Variants in MPPED1 observed in about 807,000 individuals in gnomAD.
The protein encoded by MPPED1 is metallophosphoesterase domain containing 1.
Under a neutral mutation model 36.2 loss-of-function variants are expected in MPPED1, and 16 were observed. The ratio of observed to expected loss-of-function variants is 0.44; its 90% CI spans 0.30 to 0.67. The LOEUF is 0.67. MPPED1 is among the 30% of genes least tolerant of loss of function. MPPED1 has a pLI of 0.10. For synonymous variants in MPPED1, 199 were observed against 191.3 expected (o/e 1.04, Z -0.33); for missense variants, 307 against 453.4 (o/e 0.68, Z 2.93).
rs149356533 is a variant in MPPED1, at chr22:43,468,358, T to A, written c.407-6378T>A. Among the ~76,000 whole-genome samples, 121 of 152,314 alleles carry A rather than the reference T, an allele frequency of 7.9e-4. 3 individuals are homozygous for A. The East Asian group carries it at 0.022, about 28-fold the overall frequency. ...GTGGCAGAGGCTGGGAGATCAGCGT[T>A]CTCGCCCACCTAGCAGAGTCCAACT... is the stretch of plus-strand genomic sequence containing the variant. On this transcript the variant is annotated intron_variant, in intron 3 of 6. Transcript: ENST00000443721.
At chr22:43,432,532 AAGGG>A (rs1929750691) in intron 2 of MPPED1, among the ~76,000 whole-genome samples, 1 of 87,982 alleles carries the variant, frequency 1.1e-5, no homozygotes, top group African/African-American at 4.6e-5. Flanking sequence ...GAGAGAGATA[AAGGG>A]AGGAGAGAAA....
chr22:43,468,381 A>C (rs1475393870), intron 3 of MPPED1, among the ~76,000 whole-genome samples: 2 of 152,170 alleles, frequency 1.3e-5, no homozygotes, highest in Admixed American at 6.5e-5. Context: ...GCAGAGTCCA[A>C]CTGGCCTGTC....
chr22:43,432,303 A>AAG (rs1195789716), intron 2 of MPPED1, among the ~76,000 whole-genome samples: 2 of 107,432 alleles, frequency 1.9e-5, no homozygotes, highest in African/African-American at 7.3e-5. Flanking sequence ...GAGAGAGGGA[A>AAG]AGAGAGAGAG....
chr22:43,494,490 T>C (rs1932193962), intron 4 of MPPED1, among the ~76,000 whole-genome samples: 1 of 152,238 alleles, frequency 6.6e-6, no homozygotes, highest in Non-Finnish European at 1.5e-5. Context: ...TGTCACCTGG[T>C]GTCCTTCCCT....
chr22:43,422,115 G>A (rs1050172625), intron 1 of MPPED1, among the ~76,000 whole-genome samples: 1 of 152,156 alleles, frequency 6.6e-6, no homozygotes, highest in African/African-American at 2.4e-5. Flanking sequence ...AGGCCTCTCC[G>A]AGGAGACCCC....
At position 43,474,841 on chromosome 22, in the gene MPPED1, C is replaced by T; in HGVS notation, c.512C>T (p.Pro171Leu). 1 of 1,614,018 alleles carries T rather than the reference C, an allele frequency of 6.2e-7. No individual in the cohort carries two copies. The highest frequency in any genetic ancestry group is 1.3e-5 in the African/African-American group (1 of 75,046). The change falls in exon 4 of 7, where the codon CCA becomes CTA. Residue 171 changes from proline to leucine, a missense_variant. Coordinates refer to ENST00000443721, the MANE Select transcript of MPPED1 (RefSeq NM_001044370.2). The surrounding 1 kb of genome is among the most constrained non-coding windows in gnomAD (Gnocchi z 5.2). Reference sequence around the variant, plus strand: ...ATCAAGCAGGACTTTTACTACTTCCCATCTGTGTCGAAGCTGAAGCCGGAG... The same window carrying T: ...ATCAAGCAGGACTTTTACTACTTCCTATCTGTGTCGAAGCTGAAGCCGGAG... ...DLIKQDFYYF[P>L]SVSKLKPENY...
In MPPED1 at chr22:43,502,566, G is replaced by C. The variant is rs1932756768; in HGVS notation, c.749-78G>C. 9.4e-6 allele frequency: 11 copies of C among 1,165,600 alleles called. No homozygotes were observed. Among genetic ancestry groups the C allele is most frequent in the Non-Finnish European group, 1.4e-5 (11 of 783,074 alleles). 72.2% of individuals were successfully genotyped at this position (1,165,600 alleles called of 1,614,324 possible). On this transcript the variant is annotated intron_variant, in intron 5 of 6. Transcript: ENST00000443721. This position sits in a 1 kb window ranked among gnomAD's most constrained non-coding sequence, Gnocchi z 5.5. Reference sequence around the variant, plus strand: ...AGCCCCATGCCTTCTCCAGGCTGCAGAAGCTGCTGCTAGGCGTGGGGCAGT... The same window carrying C: ...AGCCCCATGCCTTCTCCAGGCTGCACAAGCTGCTGCTAGGCGTGGGGCAGT...
intron 4 of MPPED1, among the ~76,000 whole-genome samples, chr22:43,495,478 G>A (rs1225561608): frequency 2.3e-5 from 1 of 42,774 alleles, no homozygotes; most frequent in African/African-American, 2.4e-4. Context: ...TGATGGTGGA[G>A]GTGGTGGTGG....
At position 43,502,228 on chromosome 22, in the gene MPPED1, T is replaced by C. The variant is rs28588871; in HGVS notation, c.749-416T>C. Among the ~76,000 whole-genome samples, 34,272 of 152,030 alleles carry C rather than the reference T, an allele frequency of 0.23. 4,160 individuals are homozygous for C. Among genetic ancestry groups the C allele is most frequent in the Middle Eastern group, 0.31 (90 of 294 alleles). ...GTATCAGGACGCCCTGCTCTGCAAC[T>C]AACCACCAGGGTGCCTGCCCTTGGG... On this transcript the variant is annotated intron_variant, in intron 5 of 6. Coordinates refer to ENST00000443721, the MANE Select transcript of MPPED1 (RefSeq NM_001044370.2). The surrounding 1 kb of genome is among the most constrained non-coding windows in gnomAD (Gnocchi z 5.5).
intron 4 of MPPED1, among the ~76,000 whole-genome samples, chr22:43,476,129 C>T (rs925332170): frequency 2.0e-5 from 3 of 151,844 alleles, no homozygotes; most frequent in African/African-American, 4.8e-5. Flanking sequence ...TGAGCAATTA[C>T]AGTAATCTGG....
At position 43,424,934 on chromosome 22, in the gene MPPED1, G is replaced by A; in HGVS notation, c.-52G>A. The A allele has an allele frequency of 7.1e-6, 11 of 1,541,348 alleles. No homozygotes were observed. Among genetic ancestry groups the A allele is most frequent in the East Asian group, 4.9e-5 (2 of 40,838 alleles). ...CTGTTTCCAGGTCTGGCGGGGGGCC[G>A]GGCTGCGGTGGCGGCAGCGGTGGGA... On this transcript the variant is annotated 5_prime_UTR_variant, in exon 2 of 7. Coordinates refer to ENST00000443721, the MANE Select transcript of MPPED1 (RefSeq NM_001044370.2).
chr22:43,497,343 G>T (rs1307267759), intron 4 of MPPED1, among the ~76,000 whole-genome samples: 1 of 152,000 alleles, frequency 6.6e-6, no homozygotes, highest in African/African-American at 2.4e-5. Flanking sequence ...AGTTCAAATG[G>T]CTTTGTGTTG....
intron 2 of MPPED1, among the ~76,000 whole-genome samples, chr22:43,431,782 ACTG>A (rs1258859116): frequency 3.9e-5 from 6 of 152,194 alleles, no homozygotes; most frequent in Non-Finnish European, 7.3e-5. Context: ...TGAAATCATT[ACTG>A]TTGTTATTAT....
At chr22:43,462,211 T>G (rs974096886) in intron 3 of MPPED1, among the ~76,000 whole-genome samples, 9 of 152,162 alleles carry the variant, frequency 5.9e-5, no homozygotes, top group African/African-American at 1.9e-4. Context: ...CTGGACAGAG[T>G]TGGGAAGTGG....
rs376285838 is a variant in MPPED1 at position 43,424,970 on chromosome 22, C to A, written c.-16C>A. 5.8e-6 allele frequency: 9 copies of A among 1,564,600 alleles called. No individual in the cohort carries two copies. In the African/African-American group the frequency reaches 8.1e-5, roughly 14 times the overall value. On this transcript the variant is annotated 5_prime_UTR_variant, in exon 2 of 7. Coordinates refer to ENST00000443721, the MANE Select transcript of MPPED1 (RefSeq NM_001044370.2). Reference sequence around the variant, plus strand: ...GCGGCAGCGGTGGGAGATGCCGGGGCGGCCGGCGGAGGTCCATGTGGCGCT... The same window carrying A: ...GCGGCAGCGGTGGGAGATGCCGGGGAGGCCGGCGGAGGTCCATGTGGCGCT...
chr22:43,504,333 A>C (rs1932772835), intron 6 of MPPED1, among the ~76,000 whole-genome samples: 1 of 151,912 alleles, frequency 6.6e-6, no homozygotes, highest in South Asian at 2.1e-4. Context: ...TGATGACATC[A>C]GTGATGGCAT....
chr22:43,464,438 G>T (rs1931091074), intron 3 of MPPED1, among the ~76,000 whole-genome samples: 1 of 152,010 alleles, frequency 6.6e-6, no homozygotes. Flanking sequence ...TTTCTCCCCA[G>T]TTTTTGCTTT....
chr22:43,506,115 C>G lies in MPPED1; in HGVS notation c.*499C>G, dbSNP rs75641854. On this transcript the variant is annotated 3_prime_UTR_variant, in exon 7 of 7. Transcript: ENST00000443721. ...AGTGAGGGAGGAGACAGGCCCAAGG[C>G]GGAGGCCCTCCGAGGGAGCATTTAG... 39,864 of 153,210 alleles carry G rather than the reference C, an allele frequency of 0.26. 6,227 individuals carry two copies. The highest frequency in any genetic ancestry group is 0.37 in the Non-Finnish European group (25,043 of 68,534). The allele number at this position is 153,210 out of a possible 1,614,324, so 9.5% of individuals were successfully genotyped here.
intron 4 of MPPED1, among the ~76,000 whole-genome samples, chr22:43,487,739 A>G (rs1931956734): frequency 6.6e-6 from 1 of 152,178 alleles, no homozygotes; most frequent in African/African-American, 2.4e-5. Flanking sequence ...CACAGGACGC[A>G]GGAGCTCTGA....
Sources: allele counts gnomAD v4.1 joint callset (sites outside exome capture counted in the v4.1 genomes callset), GRCh38; gene constraint gnomAD v4.1.1; non-coding constraint Gnocchi (gnomAD v3.1); transcripts MANE v1.5; gene names NCBI Gene and HGNC (gene_info 2026-07-23, HGNC 2026-07-21).